The following PCDHA4 variants were observed in gnomAD, a reference collection of about 807,000 sequenced individuals.
PCDHA4 encodes protocadherin alpha-4.
In PCDHA4, 49 loss-of-function variants were observed where a neutral mutation model predicts 61.4. The observed-to-expected ratio is 0.80, with a 90% confidence interval of 0.63 to 1.01. The LOEUF (loss-of-function observed/expected upper bound fraction) is 1.01, where lower values mean the gene tolerates loss of function less well. PCDHA4 is among the 50% of genes least tolerant of loss of function. PCDHA4 has a pLI of 0.00. For synonymous variants in PCDHA4, 590 were observed against 550.3 expected (o/e 1.07, Z -1.01); for missense variants, 1,254 against 1,235.8 (o/e 1.01, Z -0.22).
rs2153432469 is a variant in PCDHA4, at chr5:140,890,949, A to C, written c.2385+81377A>C. On this transcript the variant is annotated intron_variant, in intron 1 of 3. Transcript: ENST00000530339. The stretch of plus-strand genomic sequence containing the variant: ...CTTTAGTCCAAAGATGCTGGTGAGG[A>C]ATGATTTCAGGTTTTGTTTTTCTGA... 2.0e-5 allele frequency among the ~76,000 whole-genome samples: 3 copies of C among 152,248 alleles called. No individual in the cohort carries two copies. The South Asian group carries it at 6.2e-4, about 32-fold the overall frequency.
chr5:140,961,236 T>C (rs246004), intron 1 of PCDHA4, among the ~76,000 whole-genome samples: 47,773 of 152,034 alleles, frequency 0.31, 7,861 homozygotes, highest in East Asian at 0.53. Context: ...AAAAAGGTGA[T>C]GGAATTTATC....
At chr5:140,911,088 C>T (rs1447899502) in intron 1 of PCDHA4, among the ~76,000 whole-genome samples, 3 of 152,092 alleles carry the variant, frequency 2.0e-5, no homozygotes, top group African/African-American at 7.2e-5. Flanking sequence ...ATTATCTTGC[C>T]TGGCAACTGC....
chr5:140,938,843 C>G (rs1232774282), intron 1 of PCDHA4, among the ~76,000 whole-genome samples: 1 of 152,130 alleles, frequency 6.6e-6, no homozygotes, highest in East Asian at 1.9e-4. Context: ...AACAAACCTG[C>G]CCATGTACCC....
At chr5:140,949,694 G>C (rs1447787366) in intron 1 of PCDHA4, among the ~76,000 whole-genome samples, 1 of 151,590 alleles carries the variant, frequency 6.6e-6, no homozygotes, top group Non-Finnish European at 1.5e-5. Context: ...CGTATTGTTG[G>C]ATCTTGCTGT....
intron 1 of PCDHA4, among the ~76,000 whole-genome samples, chr5:140,818,885 A>G (rs1461163389): frequency 6.6e-6 from 1 of 152,236 alleles, no homozygotes; most frequent in African/African-American, 2.4e-5. Context: ...CTGAGATTGC[A>G]TCTCTTGAAT....
At chr5:140,875,560 C>T (rs1554167756) in intron 1 of PCDHA4, 2 of 1,614,124 alleles carry the variant, frequency 1.2e-6, no homozygotes, top group Admixed American at 3.3e-5. Flanking sequence ...GGGGAGCGGC[C>T]AGCTCCACTA....
chr5:140,961,760 A>G (rs1563318527), intron 1 of PCDHA4, among the ~76,000 whole-genome samples: 3 of 152,172 alleles, frequency 2.0e-5, no homozygotes. Context: ...TTTTGAAGGA[A>G]TTTATATCAA....
At chr5:140,982,694 A>G in intron 3 of PCDHA4, 131 bp downstream of exon 3, 1 of 1,402,998 alleles carries the variant, frequency 7.1e-7, no homozygotes, top group Non-Finnish European at 9.4e-7. Flanking sequence ...TTCCATACAT[A>G]CATGATTTCC....
chr5:140,857,965 T>A (rs2045057486), intron 1 of PCDHA4: 1 of 1,597,084 alleles, frequency 6.3e-7, no homozygotes, highest in East Asian at 2.2e-5. Context: ...TGGATGAGAC[T>A]GACTCGCCAC....
At chr5:140,903,183 T>A (rs1392196705) in intron 1 of PCDHA4, among the ~76,000 whole-genome samples, 3 of 152,194 alleles carry the variant, frequency 2.0e-5, no homozygotes, top group Admixed American at 2.0e-4. Flanking sequence ...CCACCAATAG[T>A]ATAAAAGAGT....
chr5:140,942,641 G>T (rs1198552335), intron 1 of PCDHA4, among the ~76,000 whole-genome samples: 1 of 151,754 alleles, frequency 6.6e-6, no homozygotes, highest in African/African-American at 2.4e-5. Flanking sequence ...TGGCAAAAGA[G>T]ATCTCATTCA....
intron 1 of PCDHA4, among the ~76,000 whole-genome samples, chr5:140,974,152 G>A (rs183558718): frequency 4.2e-4 from 64 of 152,284 alleles, no homozygotes; most frequent in Admixed American, 2.4e-3. Flanking sequence ...CTATACAAGG[G>A]TTTTTCTTTC....
At chr5:140,925,671 A>AATAATAATAATAATG (rs1445697337) in intron 1 of PCDHA4, among the ~76,000 whole-genome samples, 106 of 148,180 alleles carry the variant, frequency 7.2e-4, no homozygotes, top group African/African-American at 2.6e-3. Context: ...TAATAATAAT[A>AATAATAATAATAATG]ATAATAAAGC....
At chr5:140,830,057 G>A (rs2150180399) in intron 1 of PCDHA4, 3 of 1,613,632 alleles carry the variant, frequency 1.9e-6, no homozygotes, top group Non-Finnish European at 2.5e-6. Flanking sequence ...AGACCACGGT[G>A]AGCCGGCGCT....
rs2150184699 is a variant in PCDHA4, at chr5:140,830,304, C to G, written c.2385+20732C>G. On this transcript the variant is annotated intron_variant, in intron 1 of 3. Transcript: ENST00000530339. ...GGCGCGTGCACGGCGGACAAGCCCA[C>G]GCTGGTGTGCTCCAGCGCAGTGGGG... is the stretch of plus-strand genomic sequence containing the variant. 14 of 1,613,942 alleles carry G rather than the reference C, an allele frequency of 8.7e-6. No individual in the cohort carries two copies. Among genetic ancestry groups the G allele is most frequent in the Non-Finnish European group, 1.1e-5 (13 of 1,179,908 alleles).
chr5:140,976,781 T>C (rs1238344428), intron 1 of PCDHA4, among the ~76,000 whole-genome samples: 26 of 152,206 alleles, frequency 1.7e-4, no homozygotes, highest in Admixed American at 1.6e-3. Flanking sequence ...TCTGACTATA[T>C]AGCTACGCTT....
chr5:140,980,259 G>T (rs1200649581), intron 2 of PCDHA4, among the ~76,000 whole-genome samples: 1 of 152,192 alleles, frequency 6.6e-6, no homozygotes. Flanking sequence ...TAAAAGCATG[G>T]TTTACAGTAC....
chr5:140,920,923 G>T (rs1229531762), intron 1 of PCDHA4, among the ~76,000 whole-genome samples: 1 of 151,200 alleles, frequency 6.6e-6, no homozygotes, highest in Non-Finnish European at 1.5e-5. Flanking sequence ...TCCAAGAGTA[G>T]GTGATCTAGC....
chr5:140,959,060 T>C (rs1201389008), intron 1 of PCDHA4, among the ~76,000 whole-genome samples: 1 of 152,138 alleles, frequency 6.6e-6, no homozygotes, highest in Admixed American at 6.5e-5. Context: ...AAATGCAGTA[T>C]ATATAGAATT....
Sources: allele counts gnomAD v4.1 joint callset (sites outside exome capture counted in the v4.1 genomes callset), GRCh38; gene constraint gnomAD v4.1.1; transcripts MANE v1.5; gene names NCBI Gene and HGNC (gene_info 2026-07-23, HGNC 2026-07-21).